STRN: variants seen among roughly 807,000 people sequenced by gnomAD.
The protein encoded by STRN is protein phosphatase 2 regulatory subunit B'''alpha.
Under a neutral mutation model 96.3 loss-of-function variants are expected in STRN, and 53 were observed. The ratio of observed to expected loss-of-function variants is 0.55; its 90% CI spans 0.44 to 0.69. STRN has a LOEUF of 0.69. STRN is among the 30% of genes least tolerant of loss of function. The pLI is 0.00. For synonymous variants in STRN, 428 were observed against 355.9 expected (o/e 1.20, Z -2.28); for missense variants, 987 against 963.9 (o/e 1.02, Z -0.32).
rs868617876 is a variant in STRN, at chr2:36,889,618, T to C, written c.932-2792A>G. On this transcript the variant is annotated intron_variant, in intron 7 of 17. Coordinates refer to ENST00000263918, the MANE Select transcript of STRN (RefSeq NM_003162.4). Reference sequence around the variant, plus strand: ...AACCTAAGCATATTCTTCTTTTTTTTGGGGGGGGTGGGGGGGAGTAGAGTA... The same window carrying C: ...AACCTAAGCATATTCTTCTTTTTTTCGGGGGGGGTGGGGGGGAGTAGAGTA... 2.2e-4 allele frequency among the ~76,000 whole-genome samples: 20 copies of C among 91,236 alleles called. No individual in the cohort carries two copies. In the Admixed American group the frequency reaches 2.7e-3, roughly 12 times the overall value. 59.9% of individuals were successfully genotyped at this position (91,236 alleles called of 152,430 possible). A position where few individuals can be genotyped will look rare whatever the true frequency, so the allele number is the denominator to read the frequency against.
At chr2:36,872,719 T>C (rs1166556843) in intron 10 of STRN, among the ~76,000 whole-genome samples, 1 of 152,156 alleles carries the variant, frequency 6.6e-6, no homozygotes, top group East Asian at 1.9e-4. Context: ...TTCCATTACA[T>C]ACTGGATAAA....
rs539184405 is a variant in STRN, at chr2:36,885,116, A to T, written c.1043-1041T>A. Among the ~76,000 whole-genome samples the T allele has an allele frequency of 3.3e-5, 5 of 152,270 alleles. No homozygotes were observed. In the South Asian group the frequency reaches 6.2e-4, roughly 19 times the overall value. On this transcript the variant is annotated intron_variant, in intron 8 of 17. Transcript: ENST00000263918. ...TTAATCCCCCGATTTAAGAAATCCA[A>T]TTGCTTCTATTAGTAGGAATATTGT... is the stretch of plus-strand genomic sequence containing the variant.
chr2:36,899,056 A>T (rs1329648629), intron 6 of STRN, among the ~76,000 whole-genome samples: 1 of 152,208 alleles, frequency 6.6e-6, no homozygotes, highest in Non-Finnish European at 1.5e-5. Context: ...CATCTGAACA[A>T]AACTTGAGAA....
At chr2:36,854,553 A>C (rs1668297662) in intron 15 of STRN, among the ~76,000 whole-genome samples, 1 of 152,230 alleles carries the variant, frequency 6.6e-6, no homozygotes, top group African/African-American at 2.4e-5. Flanking sequence ...ACATGTTCAC[A>C]CATGCATGTG....
intron 3 of STRN, among the ~76,000 whole-genome samples, chr2:36,910,195 CT>C (rs1231350159): frequency 4.2e-5 from 6 of 141,644 alleles, no homozygotes; most frequent in African/African-American, 1.6e-4. Flanking sequence ...AAAAAAAAGA[CT>C]TTTTCAGACA....
At chr2:36,879,111 C>T (rs1308792660) in intron 9 of STRN, among the ~76,000 whole-genome samples, 1 of 151,662 alleles carries the variant, frequency 6.6e-6, no homozygotes, top group African/African-American at 2.4e-5. Context: ...TGCTCTATGG[C>T]CCAGGCTGGA....
At chr2:36,917,719 A>T (rs886438150) in intron 2 of STRN, among the ~76,000 whole-genome samples, 2 of 152,088 alleles carry the variant, frequency 1.3e-5, no homozygotes, top group Non-Finnish European at 2.9e-5. Context: ...TAGGCAGTTG[A>T]TGTCCTATTT....
At chr2:36,962,087 C>T (rs1360968586) in intron 1 of STRN, among the ~76,000 whole-genome samples, 1 of 152,180 alleles carries the variant, frequency 6.6e-6, no homozygotes, top group African/African-American at 2.4e-5. Context: ...CCTGCCTCAA[C>T]AATTTAAGCT....
chr2:36,866,946 T>C (rs966963334), intron 12 of STRN, among the ~76,000 whole-genome samples: 6 of 152,202 alleles, frequency 3.9e-5, no homozygotes, highest in African/African-American at 4.8e-5. Flanking sequence ...CGCTTAAAGA[T>C]AGAATACAGT....
chr2:36,946,625 CAGT>C (rs1416578742), intron 1 of STRN, among the ~76,000 whole-genome samples: 2 of 152,136 alleles, frequency 1.3e-5, no homozygotes, highest in Non-Finnish European at 2.9e-5. Flanking sequence ...TCTCTCTAAA[CAGT>C]AGGTTTGTAA....
At chr2:36,850,769 C>A (rs946594520) in intron 16 of STRN, among the ~76,000 whole-genome samples, 2 of 152,058 alleles carry the variant, frequency 1.3e-5, no homozygotes, top group African/African-American at 4.8e-5. Flanking sequence ...CTAAAGCCTA[C>A]ATATAGCATC....
At chr2:36,886,884 G>A in intron 7 of STRN, 58 bp from the exon 8 acceptor site, 1 of 1,357,538 alleles carries the variant, frequency 7.4e-7, no homozygotes, top group Non-Finnish European at 1.0e-6. Context: ...AACACTCTGA[G>A]TCAGTATGTC....
intron 2 of STRN, among the ~76,000 whole-genome samples, chr2:36,923,478 C>T (rs967961144): frequency 6.6e-6 from 1 of 151,410 alleles, no homozygotes; most frequent in African/African-American, 2.4e-5. Flanking sequence ...CTCACTACTC[C>T]CAAATTATGT....
intron 2 of STRN, among the ~76,000 whole-genome samples, chr2:36,917,814 T>C (rs910985113): frequency 6.6e-6 from 1 of 151,850 alleles, no homozygotes; most frequent in Non-Finnish European, 1.5e-5. Flanking sequence ...TATAGTAACA[T>C]TTACACATTA....
Position 36,894,999 on chromosome 2 carries a change from C to T in STRN, c.796-966G>A, listed in dbSNP as rs1435446696. On this transcript the variant is annotated intron_variant, in intron 6 of 17. Transcript: ENST00000263918. ...ACAAAGGTGGCATCATAAACAACTC[C>T]TATCTAGCCTTAACTGTCCTGATAC... Among the ~76,000 whole-genome samples, 7 of 152,300 alleles carry T rather than the reference C, an allele frequency of 4.6e-5. No homozygotes were observed. The East Asian group carries it at 1.2e-3, about 25-fold the overall frequency.
chr2:36,878,015 G>A lies in STRN; in HGVS notation c.1199C>T (p.Thr400Ile). ...INRADEVEAL[T>I]FPPSSGKSFI... is the part of the protein sequence containing the mutation. ...TGACTTTCCAGAAGAAGGAGGAAAT[G>A]TCAATGCTTCCACTGAAGAGGGAAG... Residue 400 changes from threonine to isoleucine, a missense_variant, in exon 10 of 18, where the codon ACA (threonine) becomes ATA (isoleucine). Coordinates refer to ENST00000263918, the MANE Select transcript of STRN (RefSeq NM_003162.4). The A allele has an allele frequency of 9.3e-6, 15 of 1,614,010 alleles. No individual in the cohort carries two copies. Among genetic ancestry groups the A allele is most frequent in the Non-Finnish European group, 1.3e-5 (15 of 1,179,982 alleles).
At chr2:36,859,323 G>A (rs1201524464) in intron 13 of STRN, among the ~76,000 whole-genome samples, 2 of 152,098 alleles carry the variant, frequency 1.3e-5, no homozygotes, top group Non-Finnish European at 2.9e-5. Flanking sequence ...TAAGGCCAGG[G>A]GAAGCAGTGA....
At chr2:36,929,466 T>C (rs1442405675) in intron 1 of STRN, among the ~76,000 whole-genome samples, 1 of 150,918 alleles carries the variant, frequency 6.6e-6, no homozygotes, top group Non-Finnish European at 1.5e-5. Flanking sequence ...TCACTGCAAC[T>C]TCAGCCTCCC....
At chr2:36,901,771 C>A (rs939232141) in intron 5 of STRN, among the ~76,000 whole-genome samples, 1 of 152,126 alleles carries the variant, frequency 6.6e-6, no homozygotes, top group African/African-American at 2.4e-5. Context: ...TTTTAAGGCT[C>A]CAAGGAACTT....
Sources: allele counts gnomAD v4.1 joint callset (sites outside exome capture counted in the v4.1 genomes callset), GRCh38; gene constraint gnomAD v4.1.1; transcripts MANE v1.5; gene names NCBI Gene and HGNC (gene_info 2026-07-23, HGNC 2026-07-21).